Variants in FHIT observed in about 807,000 individuals in gnomAD.
FHIT encodes the protein bis(5'-adenosyl)-triphosphatase.
Under a neutral mutation model 17.9 loss-of-function variants are expected in FHIT, and 19 were observed. The observed-to-expected ratio is 1.06, with a 90% CI of 0.74 to 1.56. The LOEUF is 1.56. Ranked by LOEUF, FHIT falls within the 40% of genes most tolerant of loss-of-function variation. FHIT has a pLI of 0.00. For synonymous variants in FHIT, 81 were observed against 69.7 expected (o/e 1.16, Z -0.81); for missense variants, 248 against 189.2 (o/e 1.31, Z -1.82).
chr3:60,472,503 G>C (rs2033139986), intron 5 of FHIT, among the ~76,000 whole-genome samples: 1 of 151,768 alleles, frequency 6.6e-6, no homozygotes, highest in African/African-American at 2.4e-5. Flanking sequence ...CGAGTAGCTG[G>C]GACTACAGGC....
At chr3:60,839,384 G>A (rs1048591042) in intron 3 of FHIT, among the ~76,000 whole-genome samples, 3 of 152,056 alleles carry the variant, frequency 2.0e-5, no homozygotes, top group Non-Finnish European at 2.9e-5. Context: ...CCTGCCTGCC[G>A]AATGACTTCA....
At chr3:60,853,699 A>G (rs1469391914) in intron 3 of FHIT, among the ~76,000 whole-genome samples, 3 of 152,030 alleles carry the variant, frequency 2.0e-5, no homozygotes, top group African/African-American at 7.3e-5. Context: ...GGCAGTTGTG[A>G]TCTCTGCTTC....
chr3:60,160,526 G>A (rs1036965532), intron 5 of FHIT, among the ~76,000 whole-genome samples: 3 of 152,136 alleles, frequency 2.0e-5, no homozygotes, highest in Non-Finnish European at 2.9e-5. Context: ...TTCTTCTGAG[G>A]TCAAGCCATC....
At chr3:59,803,013 C>T (rs1575520771) in intron 8 of FHIT, among the ~76,000 whole-genome samples, 1 of 152,114 alleles carries the variant, frequency 6.6e-6, no homozygotes, top group African/African-American at 2.4e-5. Context: ...TGTCAGGTGC[C>T]ATGCCTGCCC....
chr3:60,659,504 A>G (rs565251898), intron 4 of FHIT, among the ~76,000 whole-genome samples: 2 of 152,024 alleles, frequency 1.3e-5, no homozygotes, highest in African/African-American at 4.8e-5. Flanking sequence ...TCCTTGTCCT[A>G]TCTTCAAGTT....
At chr3:60,331,267 T>C (rs1178979683) in intron 5 of FHIT, among the ~76,000 whole-genome samples, 3 of 152,192 alleles carry the variant, frequency 2.0e-5, no homozygotes, top group African/African-American at 4.8e-5. Context: ...CACCTCTCAG[T>C]GCCCTTTCCT....
At chr3:60,049,272 A>C (rs1379822859) in intron 5 of FHIT, among the ~76,000 whole-genome samples, 1 of 152,160 alleles carries the variant, frequency 6.6e-6, no homozygotes, top group Non-Finnish European at 1.5e-5. Context: ...ATGTATGTGT[A>C]CCTCTGGATC....
chr3:60,486,641 T>C (rs1389090573), intron 5 of FHIT, among the ~76,000 whole-genome samples: 1 of 152,174 alleles, frequency 6.6e-6, no homozygotes, highest in Non-Finnish European at 1.5e-5. Context: ...GAAGGTAATA[T>C]TCCAGATGCT....
intron 7 of FHIT, among the ~76,000 whole-genome samples, chr3:59,929,440 G>A (rs963169317): frequency 4.4e-5 from 6 of 136,080 alleles, no homozygotes; most frequent in South Asian, 2.4e-4. Context: ...GCACGATCTC[G>A]GCTCACTGCA....
intron 2 of FHIT, among the ~76,000 whole-genome samples, chr3:61,186,622 T>A (rs1290871136): frequency 6.6e-6 from 1 of 152,140 alleles, no homozygotes; most frequent in East Asian, 1.9e-4. Context: ...CATTTACCCA[T>A]CCCACTCTGG....
chr3:60,980,383 T>C (rs1050813547), intron 3 of FHIT, among the ~76,000 whole-genome samples: 3 of 152,154 alleles, frequency 2.0e-5, no homozygotes, highest in African/African-American at 7.2e-5. Flanking sequence ...ACCATGATCA[T>C]TTGCTAAATG....
chr3:60,727,543 G>A (rs974862519), intron 4 of FHIT, among the ~76,000 whole-genome samples: 4 of 152,252 alleles, frequency 2.6e-5, no homozygotes, highest in Non-Finnish European at 4.4e-5. Context: ...TGTTAATGAC[G>A]CAGGAGCCCC....
At chr3:61,208,527 G>C (rs2039334474) in intron 1 of FHIT, among the ~76,000 whole-genome samples, 1 of 152,098 alleles carries the variant, frequency 6.6e-6, no homozygotes, top group African/African-American at 2.4e-5. Context: ...ATTTAGGATA[G>C]TTAGCTCTTC....
intron 5 of FHIT, among the ~76,000 whole-genome samples, chr3:60,186,550 G>A (rs1389493449): frequency 8.5e-5 from 13 of 152,178 alleles, no homozygotes; most frequent in Admixed American, 8.5e-4. Flanking sequence ...CATCACTACT[G>A]TGTATGTAGG....
At chr3:60,536,757 C>A (rs1288088904) in intron 5 of FHIT, 103 bp downstream of exon 5, 10 of 1,251,354 alleles carry the variant, frequency 8.0e-6, no homozygotes, top group Non-Finnish European at 9.6e-6. Flanking sequence ...CTTTATTTAC[C>A]TTTTTGGACA....
At chr3:60,877,387 C>T (rs1258256329) in intron 3 of FHIT, among the ~76,000 whole-genome samples, 4 of 152,182 alleles carry the variant, frequency 2.6e-5, no homozygotes, top group South Asian at 2.1e-4. Flanking sequence ...CACCTGCCCT[C>T]TCCCTTCACC....
intron 1 of FHIT, among the ~76,000 whole-genome samples, chr3:61,212,934 C>T (rs369743439): frequency 6.6e-6 from 1 of 152,146 alleles, no homozygotes; most frequent in Admixed American, 6.6e-5. Flanking sequence ...GAAATAAAAT[C>T]CTTTACAGAC....
intron 5 of FHIT, among the ~76,000 whole-genome samples, chr3:60,129,881 A>G (rs770641071): frequency 3.3e-5 from 5 of 152,110 alleles, no homozygotes; most frequent in Admixed American, 1.3e-4. Context: ...TGATGCTTAG[A>G]TTTCCATTCA....
At chr3:61,161,923 C>T (rs183919122) in intron 2 of FHIT, among the ~76,000 whole-genome samples, 175 of 152,298 alleles carry the variant, frequency 1.1e-3, no homozygotes, top group Non-Finnish European at 1.8e-3. Flanking sequence ...AACAAGGTGT[C>T]TACACTGAAC....
Sources: gnomAD v4.1 joint callset for allele counts (sites outside exome capture counted in the v4.1 genomes callset) on GRCh38, gnomAD v4.1.1 for gene constraint, MANE v1.5 for transcripts, NCBI Gene and HGNC (gene_info 2026-07-23, HGNC 2026-07-21) for gene names.